The following ADGRL3 variants were observed in gnomAD, a reference collection of about 807,000 sequenced individuals.
ADGRL3 encodes adhesion G protein-coupled receptor L3.
ADGRL3 carries 62 observed loss-of-function variants against 153.5 expected under a neutral mutation model. The ratio of observed to expected loss-of-function variants is 0.40; its 90% CI spans 0.33 to 0.50. The LOEUF (loss-of-function observed/expected upper bound fraction) is 0.50, where lower values mean the gene tolerates loss of function less well. Among genes scored for constraint, ADGRL3 ranks in the 20% least tolerant of loss-of-function variants. The pLI is 0.47. For synonymous variants in ADGRL3, 710 were observed against 672.5 expected (o/e 1.06, Z -0.86); for missense variants, 1,641 against 1,859.4 (o/e 0.88, Z 2.16).
intron 8 of ADGRL3, among the ~76,000 whole-genome samples, chr4:61,796,980 A>G (rs1458229656): frequency 2.0e-5 from 3 of 152,182 alleles, no homozygotes; most frequent in African/African-American, 7.2e-5. Context: ...TAGCATTTCT[A>G]AAGTTCAGCA....
At chr4:61,699,947 T>TACACAC (rs563339719) in intron 6 of ADGRL3, among the ~76,000 whole-genome samples, 4 of 143,636 alleles carry the variant, frequency 2.8e-5, no homozygotes, top group African/African-American at 7.7e-5. Flanking sequence ...AACAAGGAGA[T>TACACAC]ACACACACAC....
At chr4:61,263,019 T>G (rs1292488104) in intron 1 of ADGRL3, among the ~76,000 whole-genome samples, 1 of 152,080 alleles carries the variant, frequency 6.6e-6, no homozygotes, top group African/African-American at 2.4e-5. Flanking sequence ...AGAGGTTAGA[T>G]TCTAAGACAA....
chr4:61,859,408 T>G, intron 9 of ADGRL3, among the ~76,000 whole-genome samples: 1 of 152,168 alleles, frequency 6.6e-6, no homozygotes, highest in East Asian at 1.9e-4. Flanking sequence ...GTGACTAAAT[T>G]TAATTTTGTT....
chr4:62,020,129 A>G (rs1342309782), intron 21 of ADGRL3, among the ~76,000 whole-genome samples: 7 of 152,220 alleles, frequency 4.6e-5, no homozygotes, highest in Non-Finnish European at 7.4e-5. Flanking sequence ...TGTTTATTCA[A>G]TGAATGTTTC....
chr4:61,690,104 GA>G (rs1356823566), intron 6 of ADGRL3, among the ~76,000 whole-genome samples: 37 of 152,084 alleles, frequency 2.4e-4, no homozygotes, highest in African/African-American at 8.9e-4. Context: ...AAAGAAGTTT[GA>G]AATGTGTTCA....
chr4:61,275,394 A>G (rs776987774), intron 1 of ADGRL3, among the ~76,000 whole-genome samples: 1 of 152,164 alleles, frequency 6.6e-6, no homozygotes, highest in Non-Finnish European at 1.5e-5. Context: ...CTCCTAGAGC[A>G]TCTGCCTAGT....
At chr4:61,503,152 G>A (rs114364846) in intron 3 of ADGRL3, among the ~76,000 whole-genome samples, 2,070 of 152,212 alleles carry the variant, frequency 0.014, 22 homozygotes, top group Non-Finnish European at 0.022. Flanking sequence ...TACTTTATGT[G>A]TAAGAATTTG....
intron 4 of ADGRL3, among the ~76,000 whole-genome samples, chr4:61,543,149 C>A (rs1565903): frequency 1.2e-4 from 18 of 149,440 alleles, no homozygotes; most frequent in East Asian, 8.1e-4. Flanking sequence ...CCCACCCCCC[C>A]ACCTCGACTT....
chr4:61,621,147 A>C (rs2149834560), intron 5 of ADGRL3, among the ~76,000 whole-genome samples: 1 of 152,208 alleles, frequency 6.6e-6, no homozygotes, highest in South Asian at 2.1e-4. Flanking sequence ...GGCTTTATTT[A>C]ACTTTGATTA....
chr4:61,507,467 C>T (rs921825824), intron 3 of ADGRL3, among the ~76,000 whole-genome samples: 1 of 152,088 alleles, frequency 6.6e-6, no homozygotes, highest in Admixed American at 6.6e-5. Flanking sequence ...ATAACATAAT[C>T]GATCATTTTG....
intron 3 of ADGRL3, among the ~76,000 whole-genome samples, chr4:61,500,769 A>G (rs1037335350): frequency 6.6e-6 from 1 of 152,196 alleles, no homozygotes; most frequent in Non-Finnish European, 1.5e-5. Context: ...AATATTCACT[A>G]TAATTGCATG....
At chr4:61,402,457 C>G (rs554771379) in intron 2 of ADGRL3, among the ~76,000 whole-genome samples, 1 of 152,120 alleles carries the variant, frequency 6.6e-6, no homozygotes, top group East Asian at 1.9e-4. Context: ...TTAACACATA[C>G]GAATTTTATT....
intron 11 of ADGRL3, among the ~76,000 whole-genome samples, chr4:61,897,261 A>G (rs984338419): frequency 1.3e-5 from 2 of 152,232 alleles, no homozygotes; most frequent in African/African-American, 4.8e-5. Context: ...TGATCATTAT[A>G]TTTAAACTTA....
intron 1 of ADGRL3, among the ~76,000 whole-genome samples, chr4:61,326,628 T>C (rs2095472345): frequency 6.6e-6 from 1 of 151,552 alleles, no homozygotes; most frequent in African/African-American, 2.4e-5. Flanking sequence ...TGTGTGTGTG[T>C]GTGTGTAATT....
chr4:61,225,244 C>T (rs1048859278), intron 1 of ADGRL3, among the ~76,000 whole-genome samples: 11 of 152,158 alleles, frequency 7.2e-5, no homozygotes, highest in Admixed American at 2.0e-4. Context: ...AGTCACGTTC[C>T]TTTAGTATCC....
intron 1 of ADGRL3, among the ~76,000 whole-genome samples, chr4:61,214,576 A>G (rs1741738857): frequency 6.6e-6 from 1 of 152,216 alleles, no homozygotes; most frequent in African/African-American, 2.4e-5. Flanking sequence ...TTGGCTTATA[A>G]TGAGTAAACA....
At chr4:61,517,568 C>T in intron 4 of ADGRL3, 50 bp downstream of exon 4, 1 of 694,324 alleles carries the variant, frequency 1.4e-6, no homozygotes, top group Admixed American at 2.0e-5. Context: ...GGCAGGGGCT[C>T]CTGAGAGGCT....
chr4:61,706,370 C>G (rs1047215299), intron 6 of ADGRL3, among the ~76,000 whole-genome samples: 8 of 150,220 alleles, frequency 5.3e-5, no homozygotes, highest in Non-Finnish European at 1.2e-4. Flanking sequence ...TGCAGTGAGC[C>G]GAGATTGCGC....
chr4:61,838,752 G>C (rs957067788), intron 9 of ADGRL3, among the ~76,000 whole-genome samples: 6 of 152,082 alleles, frequency 3.9e-5, no homozygotes, highest in Non-Finnish European at 8.8e-5. Flanking sequence ...TTAAGTAAAG[G>C]CATGAAGGTA....
Sources: gnomAD v4.1 joint callset for allele counts (sites outside exome capture counted in the v4.1 genomes callset) on GRCh38, gnomAD v4.1.1 for gene constraint, MANE v1.5 for transcripts, NCBI Gene and HGNC (gene_info 2026-07-23, HGNC 2026-07-21) for gene names.